The following SH3KBP1 variants were observed in gnomAD, a reference collection of about 807,000 sequenced individuals.
SH3KBP1 encodes the protein SH3 domain containing kinase binding protein 1.
A neutral mutation model predicts 50.1 loss-of-function variants in SH3KBP1; 8 were observed. The observed-to-expected ratio is 0.16, with a 90% CI of 0.09 to 0.29. The LOEUF (loss-of-function observed/expected upper bound fraction) is 0.29. SH3KBP1 is among the 10% of genes least tolerant of loss of function. SH3KBP1 has a pLI of 1.00. For missense variants in SH3KBP1, 377 were observed against 535.2 expected (o/e 0.70, Z 2.92); for synonymous variants, 227 against 218.6 (o/e 1.04, Z -0.34).
At chrX:19,713,269 C>CT (rs1430550885) in intron 3 of SH3KBP1, among the ~76,000 whole-genome samples, 1,703 of 104,558 alleles carry the variant, frequency 0.016, 33 homozygotes, top group African/African-American at 0.054. Flanking sequence ...TTCTTAAAAA[C>CT]TTTTTTTTTT....
chrX:19,687,440 T>C (rs1362477482), intron 5 of SH3KBP1, among the ~76,000 whole-genome samples: 3 of 112,427 alleles, frequency 2.7e-5, no homozygotes, highest in Non-Finnish European at 5.6e-5. Context: ...GAATGCTTCT[T>C]AGCACACACC....
chrX:19,766,484 T>C (rs1293985486), intron 2 of SH3KBP1, among the ~76,000 whole-genome samples: 1 of 18,192 alleles, frequency 5.5e-5, no homozygotes, highest in Non-Finnish European at 1.0e-4. Context: ...TGATTGCATC[T>C]TTTTTTTTTT....
At chrX:19,882,641 G>A (rs975175477) in intron 1 of SH3KBP1, among the ~76,000 whole-genome samples, 1 of 112,107 alleles carries the variant, frequency 8.9e-6, no homozygotes, top group African/African-American at 3.2e-5. Flanking sequence ...GATGTCTCCA[G>A]GCACTAAGTC....
chrX:19,534,922 C>T lies in SH3KBP1; in HGVS notation c.*1495G>A. On this transcript the variant is annotated 3_prime_UTR_variant, in exon 18 of 18. Coordinates refer to ENST00000397821, the MANE Select transcript of SH3KBP1 (RefSeq NM_031892.3). ...TCAGTAATGTGATTTTTTGTTTTTG[C>T]ATCACTTCTTCGGTATTATCAACTC... 3.4e-6 allele frequency: 1 copy of T among 297,429 alleles called. No homozygotes were observed. Among genetic ancestry groups the T allele is most frequent in the Non-Finnish European group, 5.9e-6 (1 of 170,290 alleles). The allele number at this position is 297,429 out of a possible 1,213,427, so 24.5% of individuals were successfully genotyped here.
intron 1 of SH3KBP1, among the ~76,000 whole-genome samples, chrX:19,869,066 T>C (rs2068974584): frequency 1.8e-5 from 2 of 110,788 alleles, no homozygotes; most frequent in South Asian, 7.7e-4. Context: ...GTCAGGGTGA[T>C]GTGAGGAAGA....
In SH3KBP1 at chrX:19,569,282, G is replaced by GC. The variant is rs11427133; in HGVS notation, c.1299-95_1299-94insG. ...TGCTGCACACGTTAAGGAGTGTGCT[G>GC]GTGTGGAGTGGATGGCACTGTTGCC... On this transcript the variant is annotated intron_variant, in intron 12 of 17. Transcript: ENST00000397821. 0.015 allele frequency: 11,763 copies of GC among 773,820 alleles called. 712 individuals carry two copies. The African/African-American group carries it at 0.19, about 12-fold the overall frequency. 63.8% of individuals were successfully genotyped at this position (773,820 alleles called of 1,213,427 possible).
intron 17 of SH3KBP1, among the ~76,000 whole-genome samples, chrX:19,536,909 G>A (rs2064726241): frequency 8.9e-6 from 1 of 111,994 alleles, no homozygotes. Context: ...CCAACTGGAT[G>A]AAAGCTGAAA....
intron 7 of SH3KBP1, among the ~76,000 whole-genome samples, chrX:19,636,160 G>GAA (rs1243908918): frequency 9.3e-6 from 1 of 107,980 alleles, no homozygotes; most frequent in Non-Finnish European, 1.9e-5. Context: ...GAGAGAGAGA[G>GAA]AAAAAATAAA....
At chrX:19,842,985 C>T (rs191210427) in intron 1 of SH3KBP1, among the ~76,000 whole-genome samples, 81 of 106,910 alleles carry the variant, frequency 7.6e-4, no homozygotes, top group Admixed American at 3.0e-3. Flanking sequence ...ACCAGAGAAC[C>T]GTAACAGATA....
intron 13 of SH3KBP1, among the ~76,000 whole-genome samples, chrX:19,554,118 A>AATATTATATATCATATTAAAAT (rs1176345703): frequency 6.6e-5 from 5 of 75,206 alleles, no homozygotes; most frequent in Non-Finnish European, 6.7e-5. Flanking sequence ...ATTAAAATAT[A>AATATTATATATCATATTAAAAT]ATATTATATA....
intron 2 of SH3KBP1, among the ~76,000 whole-genome samples, chrX:19,788,269 C>CAAAAAAAAAAAAAAAAAAA (rs1227301099): frequency 2.3e-4 from 6 of 25,585 alleles, no homozygotes; most frequent in African/African-American, 4.0e-4. Flanking sequence ...ATTCTATCTC[C>CAAAAAAAAAAAAAAAAAAA]AAAAAAAAAA....
chrX:19,794,738 AATG>A (rs2147198205), intron 2 of SH3KBP1, among the ~76,000 whole-genome samples: 1 of 111,820 alleles, frequency 8.9e-6, no homozygotes, highest in South Asian at 3.7e-4. Flanking sequence ...TAAAGAAGAA[AATG>A]ATAACAGTGC....
Position 19,534,645 on chromosome X carries a change from C to G in SH3KBP1, c.*1772G>C. Reference sequence around the variant, plus strand: ...CCTGGCACTCCTGACCCCAAGCACACTGAACCCGAGGCTGCTGAAAAGGCA... The same window carrying G: ...CCTGGCACTCCTGACCCCAAGCACAGTGAACCCGAGGCTGCTGAAAAGGCA... On this transcript the variant is annotated 3_prime_UTR_variant, in exon 18 of 18. Coordinates refer to ENST00000397821, the MANE Select transcript of SH3KBP1 (RefSeq NM_031892.3). 3.5e-6 allele frequency: 1 copy of G among 283,031 alleles called. No homozygotes were observed. Among genetic ancestry groups the G allele is most frequent in the East Asian group, 5.0e-5 (1 of 20,064 alleles). The allele number at this position is 283,031 out of a possible 1,213,427, so 23.3% of individuals were successfully genotyped here.
chrX:19,611,710 T>C (rs1173534461), intron 8 of SH3KBP1, among the ~76,000 whole-genome samples: 2 of 110,770 alleles, frequency 1.8e-5, no homozygotes, highest in Non-Finnish European at 3.8e-5. Flanking sequence ...ATAATGACAT[T>C]GTATGTCTCA....
chrX:19,858,272 C>T (rs1240615799), intron 1 of SH3KBP1, among the ~76,000 whole-genome samples: 3 of 111,037 alleles, frequency 2.7e-5, no homozygotes, highest in Non-Finnish European at 3.8e-5. Flanking sequence ...AAAAGTAAAC[C>T]GGAGAATCAT....
At position 19,706,983 on chromosome X, in the gene SH3KBP1, G is replaced by A. The variant is rs746105574; in HGVS notation, c.288C>T (p.Gly96=). 47 of 1,201,139 alleles carry A rather than the reference G, an allele frequency of 3.9e-5. No individual in the cohort carries two copies. Among genetic ancestry groups the A allele is most frequent in the South Asian group, 7.1e-5 (4 of 56,631 alleles). The stretch of plus-strand genomic sequence containing the variant: ...CCTGGCACCGGCGCCTCCGTCGCTC[G>A]CCTGGATGGGAAAAGCAAAATATTT... ...SETILRTNKR[G]ERRRRRCQVA... Residue 96 remains glycine, a splice_region_variant and synonymous_variant, in exon 4 of 18, where the codon GGC becomes GGT. Coordinates refer to ENST00000397821, the MANE Select transcript of SH3KBP1 (RefSeq NM_031892.3).
intron 6 of SH3KBP1, among the ~76,000 whole-genome samples, chrX:19,661,388 C>T (rs931141103): frequency 4.5e-5 from 5 of 110,419 alleles, no homozygotes. Context: ...CTATATAATG[C>T]GAAGTGGAAA....
At chrX:19,766,651 C>T (rs2065626994) in intron 2 of SH3KBP1, among the ~76,000 whole-genome samples, 2 of 106,834 alleles carry the variant, frequency 1.9e-5, no homozygotes, top group South Asian at 8.4e-4. Context: ...CTACAGGTGC[C>T]CGCCACCAGG....
At chrX:19,853,637 A>C (rs1339718746) in intron 1 of SH3KBP1, among the ~76,000 whole-genome samples, 1 of 111,255 alleles carries the variant, frequency 9.0e-6, no homozygotes, top group Admixed American at 9.6e-5. Context: ...TCCCCCTGGC[A>C]CATCTCTCAC....
Sources: allele counts gnomAD v4.1 joint callset (sites outside exome capture counted in the v4.1 genomes callset), GRCh38; gene constraint gnomAD v4.1.1; transcripts MANE v1.5; gene names NCBI Gene and HGNC (gene_info 2026-07-23, HGNC 2026-07-21).